UBP1: variants seen among roughly 807,000 people sequenced by gnomAD.
UBP1 encodes upstream binding protein 1, also known as upstream-binding protein 1.
A neutral mutation model predicts 76.1 loss-of-function variants in UBP1; 22 were observed. The observed-to-expected ratio is 0.29, with a 90% CI of 0.21 to 0.41. The LOEUF (loss-of-function observed/expected upper bound fraction) is 0.41, where lower values mean the gene tolerates loss of function less well. Among genes scored for constraint, UBP1 ranks in the 10% least tolerant of loss-of-function variants. The pLI is 1.00. For missense variants in UBP1, 436 were observed against 668.1 expected, an observed-to-expected ratio of 0.65 and a Z score of 3.83; for synonymous variants, 224 against 237.1, an observed-to-expected ratio of 0.94 and a Z score of 0.51.
chr3:33,409,473 A>G lies in UBP1; in HGVS notation c.684T>C (p.Ala228=), dbSNP rs2044515555. ...NGEYTDHLHS[A]SCQIKVFKPK... ...CCTTAAAAACTTTGATTTGGCAGCT[A>G]GCTGAGTGTAGATGATCTGTGTATT... Residue 228 remains alanine, a synonymous_variant, in exon 6 of 16, where the codon GCT becomes GCC. Coordinates refer to ENST00000283629, the MANE Select transcript of UBP1 (RefSeq NM_014517.5). The G allele has an allele frequency of 3.1e-6, 5 of 1,614,174 alleles. No individual in the cohort carries two copies. The highest frequency in any genetic ancestry group is 1.6e-4 in the Middle Eastern group (1 of 6,062).
chr3:33,406,012 A>C (rs896275467), intron 8 of UBP1, among the ~76,000 whole-genome samples: 1 of 152,248 alleles, frequency 6.6e-6, no homozygotes, highest in Admixed American at 6.5e-5. Flanking sequence ...CAGCTTTCAA[A>C]AAAGAAATCT....
intron 2 of UBP1, among the ~76,000 whole-genome samples, chr3:33,424,906 G>A (rs1402646930): frequency 6.6e-6 from 1 of 152,190 alleles, no homozygotes; most frequent in Non-Finnish European, 1.5e-5. Flanking sequence ...TTAGCTGGGT[G>A]TGATGGTGTG....
intron 8 of UBP1, among the ~76,000 whole-genome samples, chr3:33,407,130 C>G (rs1384575938): frequency 6.6e-6 from 1 of 152,118 alleles, no homozygotes; most frequent in Non-Finnish European, 1.5e-5. Context: ...AACAGGTTTT[C>G]AAGATGAGCT....
intron 3 of UBP1, among the ~76,000 whole-genome samples, chr3:33,413,486 G>C (rs898111916): frequency 3.9e-4 from 57 of 147,876 alleles, no homozygotes; most frequent in African/African-American, 1.4e-3. Context: ...GGCAGAGCTT[G>C]CAGTGAGCCA....
At chr3:33,420,084 A>AG (rs2044846787) in intron 2 of UBP1, among the ~76,000 whole-genome samples, 1 of 152,214 alleles carries the variant, frequency 6.6e-6, no homozygotes, top group Admixed American at 6.5e-5. Context: ...ATGGGACTCC[A>AG]GGGCAACATG....
intron 9 of UBP1, among the ~76,000 whole-genome samples, chr3:33,402,545 A>G (rs1249303774): frequency 1.3e-5 from 2 of 152,202 alleles, no homozygotes; most frequent in African/African-American, 4.8e-5. Context: ...TATCTTGGCT[A>G]TGTCTTGAAA....
chr3:33,425,865 GTTTT>G lies in UBP1; in HGVS notation c.114-128_114-125del, dbSNP rs550785668. 6 of 684,910 alleles carry G rather than the reference GTTTT, an allele frequency of 8.8e-6. No individual in the cohort carries two copies. In the East Asian group the frequency reaches 2.3e-4, roughly 27 times the overall value. 42.4% of individuals were successfully genotyped at this position (684,910 alleles called of 1,614,324 possible). On this transcript the variant is annotated intron_variant, in intron 1 of 15. Coordinates refer to ENST00000283629, the MANE Select transcript of UBP1 (RefSeq NM_014517.5). Reference sequence around the variant, plus strand: ...AAAAGCATATAAACATTTAGGGATAGTTTTTTTTTTAAGATCAGAAATTATATGT... The same window carrying G: ...AAAAGCATATAAACATTTAGGGATAGTTTTTTAAGATCAGAAATTATATGT...
At chr3:33,439,632 A>G (rs2045257899) in intron 1 of UBP1, 104 bp downstream of exon 1, 1 of 1,265,012 alleles carries the variant, frequency 7.9e-7, no homozygotes, top group African/African-American at 1.5e-5. Flanking sequence ...GCAGCCCAGG[A>G]GGCCCGCGCA....
intron 1 of UBP1, 121 bp downstream of exon 1, chr3:33,439,615 C>T: frequency 9.1e-7 from 1 of 1,098,074 alleles, no homozygotes; most frequent in Non-Finnish European, 1.3e-6. Flanking sequence ...GGCAGGACTC[C>T]GACCCCGCAG....
Position 33,416,739 on chromosome 3 carries a change from T to G in UBP1, c.342+19A>C. 6.3e-7 allele frequency: 1 copy of G among 1,580,210 alleles called. No individual in the cohort carries two copies. Among genetic ancestry groups the G allele is most frequent in the Non-Finnish European group, 8.6e-7 (1 of 1,156,918 alleles). Reference sequence around the variant, plus strand: ...AATCACAGCAATATCCATTGGGAATTAAAATGGACTGTCCTTACCTTTACT... The same window carrying G: ...AATCACAGCAATATCCATTGGGAATGAAAATGGACTGTCCTTACCTTTACT... On this transcript the variant is annotated intron_variant, in intron 3 of 15. Coordinates refer to ENST00000283629, the MANE Select transcript of UBP1 (RefSeq NM_014517.5).
At chr3:33,422,381 C>G (rs1325095885) in intron 2 of UBP1, among the ~76,000 whole-genome samples, 2 of 151,386 alleles carry the variant, frequency 1.3e-5, no homozygotes, top group African/African-American at 4.9e-5. Context: ...TCTCTAAAAA[C>G]AAACAAATAA....
chr3:33,434,687 T>TC (rs2154060078), intron 1 of UBP1, among the ~76,000 whole-genome samples: 1 of 135,232 alleles, frequency 7.4e-6, no homozygotes, highest in East Asian at 2.0e-4. Flanking sequence ...TTTTACTTTT[T>TC]TTTTTTTTTT....
At chr3:33,417,360 G>A (rs1010850856) in intron 2 of UBP1, among the ~76,000 whole-genome samples, 1 of 151,754 alleles carries the variant, frequency 6.6e-6, no homozygotes, top group African/African-American at 2.4e-5. Context: ...GCCCACTCTG[G>A]ATACTTTCAT....
At chr3:33,439,320 A>G (rs1249112412) in intron 1 of UBP1, among the ~76,000 whole-genome samples, 1 of 152,228 alleles carries the variant, frequency 6.6e-6, no homozygotes, top group Non-Finnish European at 1.5e-5. Flanking sequence ...TAGGACAACA[A>G]AGTAGGAACT....
intron 9 of UBP1, among the ~76,000 whole-genome samples, chr3:33,401,521 C>T (rs2044228530): frequency 6.6e-6 from 1 of 152,144 alleles, no homozygotes; most frequent in South Asian, 2.1e-4. Context: ...AAGAAATTAA[C>T]TTGTACCACT....
chr3:33,439,616 G>A (rs569206694), intron 1 of UBP1, 120 bp downstream of exon 1: 7 of 1,103,338 alleles, frequency 6.3e-6, no homozygotes, highest in Admixed American at 2.9e-5. Context: ...GCAGGACTCC[G>A]ACCCCGCAGC....
intron 1 of UBP1, among the ~76,000 whole-genome samples, chr3:33,425,996 AATATATATATATATATATATAT>A (rs60739079): frequency 0.059 from 3,234 of 55,158 alleles, 182 homozygotes; most frequent in Middle Eastern, 0.17. Flanking sequence ...GGCAGCTCTG[AATATATATATATATATATATAT>A]ATATATATAT....
intron 8 of UBP1, among the ~76,000 whole-genome samples, chr3:33,406,449 T>C (rs2044430399): frequency 6.6e-6 from 1 of 152,206 alleles, no homozygotes; most frequent in African/African-American, 2.4e-5. Flanking sequence ...ATATAAAACA[T>C]AACACAGCAT....
intron 2 of UBP1, among the ~76,000 whole-genome samples, chr3:33,420,852 A>G (rs2154058723): frequency 6.6e-6 from 1 of 152,228 alleles, no homozygotes; most frequent in East Asian, 1.9e-4. Flanking sequence ...CGAACTCCCA[A>G]CCTCAGATGA....
Sources: allele counts gnomAD v4.1 joint callset (sites outside exome capture counted in the v4.1 genomes callset), GRCh38; gene constraint gnomAD v4.1.1; transcripts MANE v1.5; gene names NCBI Gene and HGNC (gene_info 2026-07-23, HGNC 2026-07-21).